UST: variants seen among roughly 807,000 people sequenced by gnomAD.
The protein encoded by UST is chondroitin sulfate 2-O-sulfotransferase.
A neutral mutation model predicts 45.6 loss-of-function variants in UST; 21 were observed. The ratio of observed to expected loss-of-function variants is 0.46; its 90% CI spans 0.33 to 0.66. The LOEUF (loss-of-function observed/expected upper bound fraction) is 0.66. Among genes scored for constraint, UST ranks in the 30% least tolerant of loss-of-function variants. The pLI, the probability that UST is intolerant of heterozygous loss-of-function variation, is 0.02. For missense variants in UST, 463 were observed against 512.4 expected, an observed-to-expected ratio of 0.90 and a Z score of 0.93; for synonymous variants, 215 against 200.6, an observed-to-expected ratio of 1.07 and a Z score of -0.61.
intron 7 of UST, among the ~76,000 whole-genome samples, chr6:149,051,825 T>C (rs1042537521): frequency 1.3e-5 from 2 of 152,166 alleles, no homozygotes; most frequent in African/African-American, 4.8e-5. Context: ...GATTTTTGAA[T>C]GTTTATTATT....
chr6:148,962,325 G>A (rs1429890853), intron 4 of UST, among the ~76,000 whole-genome samples: 1 of 152,238 alleles, frequency 6.6e-6, no homozygotes, highest in Non-Finnish European at 1.5e-5. Context: ...GCCATCTCCT[G>A]ATGGGATGCT....
intron 7 of UST, among the ~76,000 whole-genome samples, chr6:149,035,272 A>T (rs1411874976): frequency 2.0e-5 from 3 of 152,098 alleles, no homozygotes; most frequent in Non-Finnish European, 4.4e-5. Context: ...TAGTGAATGG[A>T]TGCAATATTA....
chr6:148,776,643 A>G (rs1349523060), intron 1 of UST, among the ~76,000 whole-genome samples: 1 of 152,236 alleles, frequency 6.6e-6, no homozygotes, highest in Non-Finnish European at 1.5e-5. Context: ...GCTCCAGATA[A>G]TGGTGTTTTC....
chr6:148,919,184 C>T (rs772330243), intron 2 of UST, among the ~76,000 whole-genome samples: 3 of 152,190 alleles, frequency 2.0e-5, no homozygotes, highest in Non-Finnish European at 2.9e-5. Flanking sequence ...GATACCTCTA[C>T]CATGGGGTGC....
chr6:148,875,798 C>T (rs1449187505), intron 1 of UST, among the ~76,000 whole-genome samples: 1 of 151,942 alleles, frequency 6.6e-6, no homozygotes, highest in Admixed American at 6.5e-5. Context: ...AGCAAGACTC[C>T]GCCTCAAAAA....
At chr6:148,858,924 G>A (rs1290459245) in intron 1 of UST, among the ~76,000 whole-genome samples, 1 of 152,140 alleles carries the variant, frequency 6.6e-6, no homozygotes, top group Non-Finnish European at 1.5e-5. Context: ...TTGGTTCCAA[G>A]TCTTTGCTGT....
At chr6:148,818,564 G>T (rs1364510882) in intron 1 of UST, among the ~76,000 whole-genome samples, 1 of 152,202 alleles carries the variant, frequency 6.6e-6, no homozygotes, top group Non-Finnish European at 1.5e-5. Flanking sequence ...ACAAATTGCA[G>T]GTTCAGACGT....
At chr6:148,972,218 G>A (rs1780930835) in intron 5 of UST, among the ~76,000 whole-genome samples, 3 of 152,198 alleles carry the variant, frequency 2.0e-5, no homozygotes, top group South Asian at 2.1e-4. Context: ...GAAAATTGCG[G>A]GGAGGAACGA....
At chr6:148,856,608 G>A (rs1778209882) in intron 1 of UST, among the ~76,000 whole-genome samples, 1 of 152,200 alleles carries the variant, frequency 6.6e-6, no homozygotes. Flanking sequence ...TGGGACTAGG[G>A]TTGCGGGGCG....
intron 7 of UST, among the ~76,000 whole-genome samples, chr6:149,037,017 G>C (rs919124430): frequency 9.2e-5 from 14 of 152,062 alleles, no homozygotes; most frequent in African/African-American, 3.4e-4. Flanking sequence ...GGACATCTTC[G>C]TTTCCTGTGC....
At chr6:149,033,607 A>G (rs1776188501) in intron 7 of UST, among the ~76,000 whole-genome samples, 2 of 152,324 alleles carry the variant, frequency 1.3e-5, no homozygotes, top group South Asian at 2.1e-4. Flanking sequence ...GAAAAATCCA[A>G]CATAATCCCA....
At chr6:148,891,133 T>C (rs539922523) in intron 2 of UST, among the ~76,000 whole-genome samples, 1 of 152,186 alleles carries the variant, frequency 6.6e-6, no homozygotes, top group East Asian at 1.9e-4. Flanking sequence ...AAAAAGAAAT[T>C]TTCTGGTATG....
chr6:149,044,927 G>A (rs950670577), intron 7 of UST, among the ~76,000 whole-genome samples: 1 of 152,218 alleles, frequency 6.6e-6, no homozygotes, highest in Non-Finnish European at 1.5e-5. Context: ...CAGCATCAAA[G>A]GCTTAGTGTT....
intron 1 of UST, among the ~76,000 whole-genome samples, chr6:148,842,745 G>T (rs978933073): frequency 2.6e-5 from 4 of 152,142 alleles, no homozygotes; most frequent in Admixed American, 6.5e-5. Flanking sequence ...CTTGCACTTA[G>T]CCTTAATTCC....
At chr6:148,894,972 C>G (rs987921261) in intron 2 of UST, among the ~76,000 whole-genome samples, 3 of 151,964 alleles carry the variant, frequency 2.0e-5, no homozygotes, top group African/African-American at 7.3e-5. Flanking sequence ...TGTGCACCAT[C>G]ATGCCTGGCT....
At chr6:148,797,856 G>A (rs558574284) in intron 1 of UST, among the ~76,000 whole-genome samples, 1 of 152,300 alleles carries the variant, frequency 6.6e-6, no homozygotes, top group African/African-American at 2.4e-5. Context: ...GGGATGAAGA[G>A]ATGGGTGCTA....
intron 1 of UST, among the ~76,000 whole-genome samples, chr6:148,786,562 A>G (rs1776739299): frequency 1.3e-5 from 2 of 152,198 alleles, no homozygotes; most frequent in Admixed American, 6.5e-5. Context: ...TGCAAAGGAC[A>G]TGATCTCATC....
At position 148,867,311 on chromosome 6, in the gene UST, CACACACACACACACACAT is replaced by C. The variant is rs1002557436; in HGVS notation, c.248-19673_248-19656del. Among the ~76,000 whole-genome samples the C allele has an allele frequency of 1.1e-4, 16 of 145,112 alleles. No individual in the cohort carries two copies. The South Asian group carries it at 2.1e-3, about 19-fold the overall frequency. ...ACACACACACACACACACACACACACACACACACACACACACATATATATGTACGTATGTATGTATTTT... is the reference window on the plus strand; with the variant it reads ...ACACACACACACACACACACACACACATATATGTACGTATGTATGTATTTT... On this transcript the variant is annotated intron_variant, in intron 1 of 7. Transcript: ENST00000367463.
chr6:148,782,979 C>A (rs995378988), intron 1 of UST, among the ~76,000 whole-genome samples: 2 of 152,138 alleles, frequency 1.3e-5, no homozygotes, highest in South Asian at 4.1e-4. Context: ...GGAGATCTTT[C>A]GTGAAAAGAA....
Sources: gnomAD v4.1 joint callset for allele counts (sites outside exome capture counted in the v4.1 genomes callset) on GRCh38, gnomAD v4.1.1 for gene constraint, MANE v1.5 for transcripts, NCBI Gene and HGNC (gene_info 2026-07-23, HGNC 2026-07-21) for gene names.